The following SORCS2 variants were observed in gnomAD, a reference collection of about 807,000 sequenced individuals.
The protein encoded by SORCS2 is VPS10 domain-containing receptor SorCS2.
Under a neutral mutation model 141.6 loss-of-function variants are expected in SORCS2, and 100 were observed. The observed-to-expected ratio is 0.71, with a 90% CI of 0.60 to 0.83. SORCS2 has a LOEUF of 0.83. SORCS2 is among the 40% of genes least tolerant of loss of function. The pLI, the probability that SORCS2 is intolerant of heterozygous loss-of-function variation, is 0.00. For synonymous variants in SORCS2, 789 were observed against 676.9 expected (o/e 1.17, Z -2.57); for missense variants, 1,646 against 1,560.2 (o/e 1.05, Z -0.93).
intron 2 of SORCS2, among the ~76,000 whole-genome samples, chr4:7,416,015 C>A (rs1427492966): frequency 6.6e-6 from 1 of 152,138 alleles, no homozygotes; most frequent in Non-Finnish European, 1.5e-5. Context: ...CATGTAGCAG[C>A]CTGGTGTGGA....
intron 3 of SORCS2, among the ~76,000 whole-genome samples, chr4:7,565,248 G>A (rs1363384785): frequency 2.0e-5 from 3 of 152,200 alleles, no homozygotes; most frequent in African/African-American, 7.2e-5. Context: ...CTGACCCTGA[G>A]ACAGAAACTC....
intron 14 of SORCS2, among the ~76,000 whole-genome samples, chr4:7,709,004 C>T (rs994905627): frequency 4.6e-5 from 7 of 152,204 alleles, no homozygotes; most frequent in Non-Finnish European, 1.0e-4. Flanking sequence ...CCCCCGGAGG[C>T]CGTGGTCTGG....
chr4:7,404,781 A>G (rs977352582), intron 2 of SORCS2, among the ~76,000 whole-genome samples: 1 of 152,106 alleles, frequency 6.6e-6, no homozygotes, highest in Non-Finnish European at 1.5e-5. Context: ...TAGTTTGCAA[A>G]TATTTTCTCC....
intron 1 of SORCS2, among the ~76,000 whole-genome samples, chr4:7,392,127 C>T (rs1723905527): frequency 6.6e-6 from 1 of 152,226 alleles, no homozygotes; most frequent in African/African-American, 2.4e-5. Flanking sequence ...CAGACCTGGC[C>T]CTGGTCCTGG....
intron 1 of SORCS2, among the ~76,000 whole-genome samples, chr4:7,357,820 C>G (rs892308303): frequency 6.6e-6 from 1 of 152,192 alleles, no homozygotes; most frequent in African/African-American, 2.4e-5. Context: ...GGCCTTCTCC[C>G]CATCCTGCCT....
At chr4:7,366,297 G>T (rs1356958089) in intron 1 of SORCS2, among the ~76,000 whole-genome samples, 4 of 151,688 alleles carry the variant, frequency 2.6e-5, no homozygotes, top group Admixed American at 2.6e-4. Flanking sequence ...AACCTGTGTG[G>T]ACAGTAGTGG....
chr4:7,733,583 C>A (rs1711887441), intron 24 of SORCS2, among the ~76,000 whole-genome samples, 162 bp downstream of exon 24: 1 of 152,106 alleles, frequency 6.6e-6, no homozygotes, highest in Non-Finnish European at 1.5e-5. Flanking sequence ...GACGCAGGAC[C>A]GCGCTCTCCC....
intron 3 of SORCS2, among the ~76,000 whole-genome samples, chr4:7,622,309 G>A (rs1247746712): frequency 2.0e-5 from 3 of 152,186 alleles, no homozygotes; most frequent in Non-Finnish European, 2.9e-5. Flanking sequence ...TATGTGCATG[G>A]CCAGAATTCC....
At position 7,565,413 on chromosome 4, in the gene SORCS2, T is replaced by G. The variant is rs567851409; in HGVS notation, c.648+33784T>G. Among the ~76,000 whole-genome samples, 20 of 152,054 alleles carry G rather than the reference T, an allele frequency of 1.3e-4. No homozygotes were observed. The South Asian group carries it at 4.0e-3, about 30-fold the overall frequency. The stretch of plus-strand genomic sequence containing the variant: ...ATTAGAATTATGAAGATGAAGATGA[T>G]GATAAAGGAGATCATAGTGATTAGG... On this transcript the variant is annotated intron_variant, in intron 3 of 26. Coordinates refer to ENST00000507866, the MANE Select transcript of SORCS2 (RefSeq NM_020777.3).
Position 7,303,093 on chromosome 4 carries a change from C to A in SORCS2, c.481-93195C>A, listed in dbSNP as rs533966787. ...ACTCCTCCATGCACACAAAACAGAG[C>A]TCAGACGAGGTAATAAAAAGCAAAC... On this transcript the variant is annotated intron_variant, in intron 1 of 26. Transcript: ENST00000507866. 5.9e-5 allele frequency among the ~76,000 whole-genome samples: 9 copies of A among 152,256 alleles called. No homozygotes were observed. The East Asian group carries it at 1.4e-3, about 23-fold the overall frequency.
Position 7,274,183 on chromosome 4 carries a change from G to A in SORCS2, c.480+81057G>A, listed in dbSNP as rs554047305. Among the ~76,000 whole-genome samples the A allele has an allele frequency of 5.9e-5, 9 of 152,292 alleles. No homozygotes were observed. The South Asian group carries it at 1.5e-3, about 25-fold the overall frequency. On this transcript the variant is annotated intron_variant, in intron 1 of 26. Transcript: ENST00000507866. ...CAAAAACAGATCCGGCTGGACAGAC[G>A]TTAGACTGGGAACCCCTTTCCCCAT... is the stretch of plus-strand genomic sequence containing the variant.
intron 2 of SORCS2, among the ~76,000 whole-genome samples, chr4:7,510,936 G>C (rs904972806): frequency 1.3e-5 from 2 of 152,204 alleles, no homozygotes; most frequent in Non-Finnish European, 2.9e-5. Flanking sequence ...GCAGCGCCCC[G>C]GGAGCTGGTT....
intron 2 of SORCS2, among the ~76,000 whole-genome samples, chr4:7,471,526 G>A (rs1729975567): frequency 6.6e-6 from 1 of 152,238 alleles, no homozygotes; most frequent in Non-Finnish European, 1.5e-5. Context: ...CCAGGGAAGA[G>A]GGAGCAGAAC....
intron 2 of SORCS2, chr4:7,434,010 G>A (rs577743929): frequency 1.2e-5 from 20 of 1,612,358 alleles, no homozygotes; most frequent in East Asian, 8.9e-5. Context: ...AGGTCACACC[G>A]GCCTTCATCT....
intron 3 of SORCS2, among the ~76,000 whole-genome samples, chr4:7,571,728 C>T (rs1271788821): frequency 6.6e-6 from 1 of 152,096 alleles, no homozygotes; most frequent in African/African-American, 2.4e-5. Context: ...GAAAAGGGGC[C>T]AAGGCCAGCA....
intron 3 of SORCS2, among the ~76,000 whole-genome samples, chr4:7,546,890 G>A (rs1283455975): frequency 6.6e-6 from 1 of 152,168 alleles, no homozygotes; most frequent in Non-Finnish European, 1.5e-5. Flanking sequence ...TGTGCAGTAG[G>A]GACTCTTAGA....
At chr4:7,400,244 A>G (rs891020582) in intron 2 of SORCS2, among the ~76,000 whole-genome samples, 42 of 151,898 alleles carry the variant, frequency 2.8e-4, no homozygotes, top group African/African-American at 9.7e-4. Context: ...CCTGGACTAC[A>G]CTAAGCTCAG....
At chr4:7,606,119 C>G (rs1486929259) in intron 3 of SORCS2, among the ~76,000 whole-genome samples, 2 of 152,128 alleles carry the variant, frequency 1.3e-5, no homozygotes, top group African/African-American at 4.8e-5. Flanking sequence ...TCCCATGAAC[C>G]ACCCCTTCTT....
chr4:7,736,326 C>T (rs527756599), intron 25 of SORCS2, among the ~76,000 whole-genome samples: 1 of 152,358 alleles, frequency 6.6e-6, no homozygotes, highest in East Asian at 1.9e-4. Context: ...TGATACTGGC[C>T]ACCCTCTGTC....
Sources: gnomAD v4.1 joint callset for allele counts (sites outside exome capture counted in the v4.1 genomes callset) on GRCh38, gnomAD v4.1.1 for gene constraint, MANE v1.5 for transcripts, NCBI Gene and HGNC (gene_info 2026-07-23, HGNC 2026-07-21) for gene names.